The following FILIP1L variants were observed in gnomAD, a reference collection of about 807,000 sequenced individuals.
FILIP1L encodes filamin A interacting protein 1 like.
Under a neutral mutation model 96.6 loss-of-function variants are expected in FILIP1L, and 55 were observed. The ratio of observed to expected loss-of-function variants is 0.57; its 90% CI spans 0.46 to 0.71. The LOEUF is 0.71. FILIP1L is among the 30% of genes least tolerant of loss of function. The probability of loss-of-function intolerance (pLI) is 0.00; values close to 1 mark genes in which losing one functional copy is unlikely to be tolerated. For missense variants in FILIP1L, 1,304 were observed against 1,321.2 expected (o/e 0.99, Z 0.20); for synonymous variants, 467 against 473.9 (o/e 0.99, Z 0.19).
intron 3 of FILIP1L, among the ~76,000 whole-genome samples, chr3:99,926,085 G>C (rs566788122): frequency 2.0e-4 from 30 of 152,330 alleles, no homozygotes; most frequent in Non-Finnish European, 3.8e-4. Context: ...AAAAGATTTA[G>C]AATGTGTGAC....
intron 5 of FILIP1L, among the ~76,000 whole-genome samples, chr3:99,841,299 T>C (rs1050322113): frequency 9.2e-5 from 14 of 152,258 alleles, no homozygotes; most frequent in Admixed American, 5.2e-4. Flanking sequence ...ATATATCAAA[T>C]TATAAACTAG....
At chr3:100,068,384 CAGAG>C in intron 1 of FILIP1L, among the ~76,000 whole-genome samples, 1 of 138,774 alleles carries the variant, frequency 7.2e-6, no homozygotes, top group South Asian at 2.3e-4. Context: ...GTGTGTGTGT[CAGAG>C]AGATATAGTA....
chr3:100,068,678 A>C lies in FILIP1L; in HGVS notation c.-11+45375T>G, dbSNP rs140543709. On this transcript the variant is annotated intron_variant, in intron 1 of 5. Transcript: ENST00000477258. ...AGTCTTGCTCTGTTACCCAGGCTGG[A>C]GTGCAGTTGCACGATCTCGGCTTAC... Among the ~76,000 whole-genome samples the C allele has an allele frequency of 4.6e-3, 704 of 152,234 alleles. 2 individuals carry two copies. Among genetic ancestry groups the C allele is most frequent in the South Asian group, 7.0e-3 (34 of 4,824 alleles).
intron 1 of FILIP1L, among the ~76,000 whole-genome samples, chr3:99,982,256 C>T (rs1273168118): frequency 1.3e-5 from 2 of 151,768 alleles, no homozygotes; most frequent in Non-Finnish European, 2.9e-5. Context: ...GCCTGTCATG[C>T]TTATACATTT....
At chr3:99,935,813 T>C (rs1576584982) in intron 1 of FILIP1L, among the ~76,000 whole-genome samples, 2 of 152,216 alleles carry the variant, frequency 1.3e-5, no homozygotes, top group Admixed American at 1.3e-4. Context: ...TCAGTTTTAC[T>C]TGGGCTTAAG....
chr3:99,915,631 A>T (rs1020458407), intron 4 of FILIP1L, among the ~76,000 whole-genome samples: 2 of 146,334 alleles, frequency 1.4e-5, no homozygotes, highest in East Asian at 2.0e-4. Flanking sequence ...TTAATGGTTT[A>T]AAAAAAAAAA....
At chr3:100,019,859 A>G (rs2064775982) in intron 1 of FILIP1L, among the ~76,000 whole-genome samples, 1 of 152,174 alleles carries the variant, frequency 6.6e-6, no homozygotes, top group Non-Finnish European at 1.5e-5. Context: ...CTTGGCATGT[A>G]TGGAAGAGAA....
At chr3:99,942,434 A>G (rs954107438) in intron 1 of FILIP1L, among the ~76,000 whole-genome samples, 4 of 152,242 alleles carry the variant, frequency 2.6e-5, no homozygotes, top group Non-Finnish European at 4.4e-5. Context: ...TAAAGAGAAC[A>G]TGGGTTTTAT....
At chr3:99,905,672 T>C (rs1706592595) in intron 4 of FILIP1L, among the ~76,000 whole-genome samples, 1 of 152,248 alleles carries the variant, frequency 6.6e-6, no homozygotes, top group South Asian at 2.1e-4. Context: ...ACTCTGCCAC[T>C]AGCCTCCTTT....
At chr3:99,938,084 C>T (rs1035620186) in intron 1 of FILIP1L, among the ~76,000 whole-genome samples, 40 of 151,616 alleles carry the variant, frequency 2.6e-4, no homozygotes, top group Middle Eastern at 3.4e-3. Context: ...TGCGCGCGCG[C>T]GCGCGCGTGC....
intron 1 of FILIP1L, among the ~76,000 whole-genome samples, chr3:99,935,400 A>G (rs1285452084): frequency 1.3e-5 from 2 of 152,172 alleles, no homozygotes; most frequent in Non-Finnish European, 2.9e-5. Context: ...ACACAGCCTA[A>G]TGTGTTGTTA....
chr3:99,948,036 A>G (rs1403118740), intron 1 of FILIP1L, among the ~76,000 whole-genome samples: 4 of 152,248 alleles, frequency 2.6e-5, no homozygotes, highest in Non-Finnish European at 5.9e-5. Context: ...TGGTAAGATA[A>G]TAAGTATTTT....
In FILIP1L at chr3:99,835,571, A is replaced by G. The variant is rs114337141; in HGVS notation, c.3382-4966T>C. On this transcript the variant is annotated intron_variant, in intron 5 of 5. Transcript: ENST00000477258. ...ATTTTATATGCCCAGAGAGCCTGTTAGGATGCAGAATCCCTGCAGTGGGAA... is the reference window on the plus strand; with the variant it reads ...ATTTTATATGCCCAGAGAGCCTGTTGGGATGCAGAATCCCTGCAGTGGGAA... 4.7e-3 allele frequency among the ~76,000 whole-genome samples: 718 copies of G among 152,338 alleles called. 6 individuals are homozygous for G. The highest frequency in any genetic ancestry group is 0.016 in the African/African-American group (675 of 41,570).
chr3:99,924,451 A>G (rs751460862), intron 3 of FILIP1L, 43 bp from the exon 4 acceptor site: 4 of 1,555,116 alleles, frequency 2.6e-6, no homozygotes, highest in South Asian at 1.1e-5. Flanking sequence ...AATTGTTTAT[A>G]TACTGTTGTC....
intron 1 of FILIP1L, among the ~76,000 whole-genome samples, chr3:100,014,660 G>A (rs191450882): frequency 6.6e-6 from 1 of 151,916 alleles, no homozygotes; most frequent in African/African-American, 2.4e-5. Flanking sequence ...GTCTTTTCAG[G>A]TTCATTTTTA....
intron 4 of FILIP1L, among the ~76,000 whole-genome samples, chr3:99,897,718 T>A (rs771982491): frequency 1.1e-4 from 17 of 152,196 alleles, no homozygotes; most frequent in Non-Finnish European, 2.4e-4. Context: ...GTTTATTATA[T>A]TTTTTGTCAT....
intron 1 of FILIP1L, among the ~76,000 whole-genome samples, chr3:100,023,861 T>C (rs1346191765): frequency 6.6e-6 from 1 of 152,204 alleles, no homozygotes; most frequent in African/African-American, 2.4e-5. Context: ...ACTCAACATA[T>C]AGTATTACTC....
At chr3:99,971,998 T>C (rs1031139714) in intron 1 of FILIP1L, among the ~76,000 whole-genome samples, 9 of 152,184 alleles carry the variant, frequency 5.9e-5, no homozygotes, top group African/African-American at 2.2e-4. Flanking sequence ...TGACATGGAG[T>C]ATAGTCAGCA....
rs1448158926 is a variant in FILIP1L, at chr3:99,940,519, A to T, written c.-10-9489T>A. Among the ~76,000 whole-genome samples, 4 of 152,200 alleles carry T rather than the reference A, an allele frequency of 2.6e-5. No homozygotes were observed. In the East Asian group the frequency reaches 5.8e-4, roughly 22 times the overall value. ...ACTGTAACCAAATCCCAGCAAGGTT[A>T]ACTGATGTGCCTATGGTCATGCCCT... On this transcript the variant is annotated intron_variant, in intron 1 of 5. Transcript: ENST00000477258.
Sources: gnomAD v4.1 joint callset for allele counts (sites outside exome capture counted in the v4.1 genomes callset) on GRCh38, gnomAD v4.1.1 for gene constraint, MANE v1.5 for transcripts, NCBI Gene and HGNC (gene_info 2026-07-23, HGNC 2026-07-21) for gene names.